DAAM2: variants seen among roughly 807,000 people sequenced by gnomAD.
The protein encoded by DAAM2 is dishevelled associated activator of morphogenesis 2.
A neutral mutation model predicts 120.7 loss-of-function variants in DAAM2; 39 were observed. That is an observed-to-expected ratio of 0.32 (90% confidence interval 0.25 to 0.42). The LOEUF is 0.42. Ranked by LOEUF, DAAM2 falls within the 10% of genes least tolerant of loss-of-function variation. The pLI is 1.00. For missense variants in DAAM2, 1,283 were observed against 1,401.7 expected (o/e 0.92, Z 1.35); for synonymous variants, 488 against 524.9 (o/e 0.93, Z 0.96).
chr6:39,809,915 A>T (rs182532793), intron 1 of DAAM2, among the ~76,000 whole-genome samples: 1 of 152,324 alleles, frequency 6.6e-6, no homozygotes, highest in East Asian at 1.9e-4. Flanking sequence ...CCACAGTGCC[A>T]TCAGGGACCC....
intron 1 of DAAM2, chr6:39,848,837 T>C (rs542400773): frequency 3.3e-5 from 5 of 152,350 alleles, no homozygotes; most frequent in African/African-American, 1.2e-4. Flanking sequence ...TCTGGAGACC[T>C]GGTTTGAGTT....
chr6:39,874,219 G>T (rs1764779662), intron 10 of DAAM2, among the ~76,000 whole-genome samples: 1 of 152,202 alleles, frequency 6.6e-6, no homozygotes, highest in African/African-American at 2.4e-5. Context: ...TTTACATATA[G>T]AAAGAATTTT....
rs3793137 is a variant in DAAM2 at position 39,904,728 on chromosome 6, C to T, written c.*2691C>T. On this transcript the variant is annotated 3_prime_UTR_variant, in exon 25 of 25. Coordinates refer to ENST00000274867, the MANE Select transcript of DAAM2 (RefSeq NM_001201427.2). ...CCGACTTCTACCAGGGATGCCTTCACGCCAAGGCTGTTCTCACCAGCTGCC... is the reference window on the plus strand; with the variant it reads ...CCGACTTCTACCAGGGATGCCTTCATGCCAAGGCTGTTCTCACCAGCTGCC... 585 of 454,046 alleles carry T rather than the reference C, an allele frequency of 1.3e-3. 4 individuals are homozygous for T. The highest frequency in any genetic ancestry group is 8.5e-3 in the African/African-American group (428 of 50,092). The allele number at this position is 454,046 out of a possible 1,614,324, so 28.1% of individuals were successfully genotyped here.
At chr6:39,796,419 A>C (rs928057788) in intron 1 of DAAM2, among the ~76,000 whole-genome samples, 11 of 151,892 alleles carry the variant, frequency 7.2e-5, no homozygotes, top group African/African-American at 2.7e-4. Context: ...GGCAGCATCT[A>C]TTTCTCCAAC....
chr6:39,856,173 G>A (rs1433193039), intron 1 of DAAM2, 74 bp from the exon 2 acceptor site: 3 of 1,287,264 alleles, frequency 2.3e-6, no homozygotes, highest in Admixed American at 4.2e-5. Context: ...CAGAGGTTAT[G>A]AAGGCAGAGT....
At chr6:39,860,509 A>G (rs965225276) in intron 2 of DAAM2, among the ~76,000 whole-genome samples, 1 of 152,250 alleles carries the variant, frequency 6.6e-6, no homozygotes, top group Non-Finnish European at 1.5e-5. Flanking sequence ...CGAGATCTGC[A>G]GACAATTCCC....
chr6:39,883,849 C>A (rs1440682329), intron 14 of DAAM2, 113 bp from the exon 15 acceptor site: 2 of 693,186 alleles, frequency 2.9e-6, no homozygotes, highest in Non-Finnish European at 5.2e-6. Flanking sequence ...GGTCTGAAAT[C>A]CTGGTCATCT....
intron 6 of DAAM2, 82 bp from the exon 7 acceptor site, chr6:39,868,741 G>A (rs985344071): frequency 2.0e-6 from 2 of 987,720 alleles, no homozygotes; most frequent in African/African-American, 3.2e-5. Flanking sequence ...AGGTAGTGGA[G>A]GCGACAGGAG....
intron 1 of DAAM2, among the ~76,000 whole-genome samples, chr6:39,840,796 G>C (rs1026843266): frequency 6.6e-6 from 1 of 152,156 alleles, no homozygotes; most frequent in Non-Finnish European, 1.5e-5. Flanking sequence ...GTGCGACACT[G>C]TCCCTGACCT....
intron 1 of DAAM2, among the ~76,000 whole-genome samples, chr6:39,832,143 TCCTCTGCAGCTC>T (rs1762939525): frequency 6.6e-6 from 1 of 151,860 alleles, no homozygotes; most frequent in South Asian, 2.1e-4. Flanking sequence ...TGGTGCTCAC[TCCTCTGCAGCTC>T]CCTTGGTGAG....
chr6:39,874,076 A>G (rs141691140), intron 10 of DAAM2, among the ~76,000 whole-genome samples: 3 of 152,328 alleles, frequency 2.0e-5, no homozygotes, highest in East Asian at 3.9e-4. Context: ...ACTGTGACTT[A>G]TTGTGTGCCA....
chr6:39,799,934 A>G lies in DAAM2; in HGVS notation c.-57+7469A>G, dbSNP rs563909691. 2.6e-5 allele frequency among the ~76,000 whole-genome samples: 4 copies of G among 152,252 alleles called. No individual in the cohort carries two copies. The South Asian group carries it at 8.3e-4, about 32-fold the overall frequency. On this transcript the variant is annotated intron_variant, in intron 1 of 24. Transcript: ENST00000274867. ...CAGGATGGAGGTATTTTGCCTGAGTATTTTTCACTGAAAGGGAATCTTATA... is the reference window on the plus strand; with the variant it reads ...CAGGATGGAGGTATTTTGCCTGAGTGTTTTTCACTGAAAGGGAATCTTATA...
chr6:39,858,310 C>T (rs750003596), intron 2 of DAAM2, among the ~76,000 whole-genome samples: 1 of 152,274 alleles, frequency 6.6e-6, no homozygotes, highest in Non-Finnish European at 1.5e-5. Flanking sequence ...CTGGGTTGAC[C>T]ATTTGGAGGC....
Position 39,866,366 on chromosome 6 carries a change from A to G in DAAM2, c.429-1144A>G, listed in dbSNP as rs184348015. Among the ~76,000 whole-genome samples the G allele has an allele frequency of 1.4e-4, 21 of 146,172 alleles. No homozygotes were observed. In the East Asian group the frequency reaches 3.1e-3, roughly 21 times the overall value. On this transcript the variant is annotated intron_variant, in intron 5 of 24. Coordinates refer to ENST00000274867, the MANE Select transcript of DAAM2 (RefSeq NM_001201427.2). ...AGACAAGCATAAAATAGAAAAAAGT[A>G]AAAAAATAGCTATTGTTAACAACTT...
chr6:39,848,356 AT>A (rs1763677174), intron 1 of DAAM2, among the ~76,000 whole-genome samples: 3 of 152,258 alleles, frequency 2.0e-5, no homozygotes, highest in Middle Eastern at 3.4e-3. Flanking sequence ...ATGAATGAAT[AT>A]TTGACCATGA....
chr6:39,898,513 C>T (rs1254293252), intron 21 of DAAM2, among the ~76,000 whole-genome samples: 1 of 152,192 alleles, frequency 6.6e-6, no homozygotes, highest in Non-Finnish European at 1.5e-5. Context: ...TCACTGGTAT[C>T]GAATGCTATT....
Position 39,904,404 on chromosome 6 carries a change from G to A in DAAM2, c.*2367G>A, listed in dbSNP as rs182121961. 4.4e-5 allele frequency: 20 copies of A among 455,736 alleles called. 1 individual carries two copies. The highest frequency in any genetic ancestry group is 1.9e-4 in the South Asian group (12 of 64,514). The allele number at this position is 455,736 out of a possible 1,614,324, so 28.2% of individuals were successfully genotyped here. Reference sequence around the variant, plus strand: ...AGTAAGAAGGGGCTGGTGCCCAGTCGGGGTGGCTGAGCTGGTCCTTAATAG... The same window carrying A: ...AGTAAGAAGGGGCTGGTGCCCAGTCAGGGTGGCTGAGCTGGTCCTTAATAG... On this transcript the variant is annotated 3_prime_UTR_variant, in exon 25 of 25. Transcript: ENST00000274867.
chr6:39,872,429 T>A (rs1488102978), intron 9 of DAAM2, among the ~76,000 whole-genome samples: 1 of 152,198 alleles, frequency 6.6e-6, no homozygotes, highest in Non-Finnish European at 1.5e-5. Flanking sequence ...TTATTGCATG[T>A]GATTAGTCTC....
intron 1 of DAAM2, among the ~76,000 whole-genome samples, chr6:39,804,778 G>A (rs555962400): frequency 6.6e-6 from 1 of 152,294 alleles, no homozygotes; most frequent in African/African-American, 2.4e-5. Flanking sequence ...AAGTGAGCCG[G>A]AAGGTGTAAA....
Sources: gnomAD v4.1 joint callset for allele counts (sites outside exome capture counted in the v4.1 genomes callset) on GRCh38, gnomAD v4.1.1 for gene constraint, MANE v1.5 for transcripts, NCBI Gene and HGNC (gene_info 2026-07-23, HGNC 2026-07-21) for gene names.